LUC7L2: variants seen among roughly 807,000 people sequenced by gnomAD.
LUC7L2 encodes putative RNA-binding protein Luc7-like 2.
Under a neutral mutation model 52.8 loss-of-function variants are expected in LUC7L2, and 25 were observed. The ratio of observed to expected loss-of-function variants is 0.47; its 90% CI spans 0.34 to 0.66. LUC7L2 has a LOEUF of 0.66. Among genes scored for constraint, LUC7L2 ranks in the 30% least tolerant of loss-of-function variants. The pLI is 0.01. For missense variants in LUC7L2, 328 were observed against 497.8 expected (o/e 0.66, Z 3.25); for synonymous variants, 144 against 160.9 (o/e 0.89, Z 0.80).
intron 1 of LUC7L2, chr7:139,375,161 T>A: frequency 2.0e-6 from 2 of 982,746 alleles, no homozygotes; most frequent in Non-Finnish European, 2.4e-6. Flanking sequence ...AGCAAAAAAA[T>A]TTTAACTAAC....
chr7:139,394,163 C>T (rs1422655672), intron 2 of LUC7L2, among the ~76,000 whole-genome samples: 1 of 152,204 alleles, frequency 6.6e-6, no homozygotes, highest in Non-Finnish European at 1.5e-5. Flanking sequence ...CCTCCAGAAG[C>T]TCAGATCAGT....
At chr7:139,396,376 G>T (rs1037875837) in intron 2 of LUC7L2, among the ~76,000 whole-genome samples, 18 of 152,100 alleles carry the variant, frequency 1.2e-4, no homozygotes, top group African/African-American at 3.9e-4. Flanking sequence ...CTGGGAGGTG[G>T]AGGCTGCAGT....
At chr7:139,395,379 T>C (rs1176123116) in intron 2 of LUC7L2, among the ~76,000 whole-genome samples, 1 of 152,250 alleles carries the variant, frequency 6.6e-6, no homozygotes, top group Non-Finnish European at 1.5e-5. Flanking sequence ...CTTTACTTTT[T>C]GTTTATTGTC....
At chr7:139,392,842 C>A (rs1417763515) in intron 2 of LUC7L2, among the ~76,000 whole-genome samples, 2 of 151,884 alleles carry the variant, frequency 1.3e-5, no homozygotes, top group African/African-American at 4.8e-5. Flanking sequence ...TTAGTAGAGA[C>A]GAGGTTTCTC....
At position 139,412,556 on chromosome 7, in the gene LUC7L2, G is replaced by A. The variant is rs759175269; in HGVS notation, c.785G>A (p.Arg262Gln). ...REEREKLRRS[R>Q]SHSKNPKRSR... Reference sequence around the variant, plus strand: ...TACATATTTTTTTTTTTTAGGTCCCGATCACACAGCAAGAATCCAAAAAGG... The same window carrying A: ...TACATATTTTTTTTTTTTAGGTCCCAATCACACAGCAAGAATCCAAAAAGG... The change falls in exon 8 of 10, where the codon CGA becomes CAA. Residue 262 changes from arginine to glutamine, a missense_variant. Transcript: ENST00000354926. The A allele has an allele frequency of 1.2e-5, 19 of 1,598,016 alleles. No homozygotes were observed. Among genetic ancestry groups the A allele is most frequent in the African/African-American group, 2.7e-5 (2 of 73,044 alleles).
At chr7:139,398,250 C>G (rs1055030918) in intron 2 of LUC7L2, among the ~76,000 whole-genome samples, 4 of 152,150 alleles carry the variant, frequency 2.6e-5, no homozygotes, top group Non-Finnish European at 4.4e-5. Flanking sequence ...TGTATATATT[C>G]TTTTAGTTTG....
At chr7:139,377,845 T>G (rs933543900) in intron 2 of LUC7L2, among the ~76,000 whole-genome samples, 1 of 149,814 alleles carries the variant, frequency 6.7e-6, no homozygotes, top group Non-Finnish European at 1.5e-5. Flanking sequence ...TTTTTTTTTT[T>G]TTGAGACAAG....
intron 2 of LUC7L2, among the ~76,000 whole-genome samples, chr7:139,396,177 A>AT: frequency 6.6e-6 from 1 of 152,280 alleles, no homozygotes; most frequent in South Asian, 2.1e-4. Flanking sequence ...GCAGTTGCTC[A>AT]TACCTGTAAT....
chr7:139,400,360 T>C (rs540473359), intron 3 of LUC7L2, among the ~76,000 whole-genome samples: 1 of 152,008 alleles, frequency 6.6e-6, no homozygotes, highest in Non-Finnish European at 1.5e-5. Context: ...AATACAAAAA[T>C]TAGCCGGGCA....
chr7:139,416,499 G>T (rs1795627846), intron 8 of LUC7L2: 1 of 152,252 alleles, frequency 6.6e-6, no homozygotes. Flanking sequence ...TTTCGCAAGT[G>T]TTCTTTCTCC....
Position 139,345,777 on chromosome 7 carries a change from A to C in LUC7L2, c.-26+5260A>C, listed in dbSNP as rs1799244322. The C allele has an allele frequency of 2.8e-6, 4 of 1,440,096 alleles. No individual in the cohort carries two copies. The South Asian group carries it at 4.4e-5, about 16-fold the overall frequency. The allele number at this position is 1,440,096 out of a possible 1,614,324, so 89.2% of individuals were successfully genotyped here. A position where few individuals can be genotyped will look rare whatever the true frequency, so the allele number is the denominator to read the frequency against. ...TTTCTATCAATATGTATTTATCATT[A>C]AATTTTTTTTAAGTTTAAGGTTTTT... On this transcript the variant is annotated intron_variant, in intron 1 of 10. Transcript: ENST00000541170.
At chr7:139,345,765 G>A (rs1470460905) in intron 1 of LUC7L2, 2 of 1,472,502 alleles carry the variant, frequency 1.4e-6, no homozygotes, top group Non-Finnish European at 1.8e-6. Flanking sequence ...CTATCAATAT[G>A]TATTTATCAT....
intron 4 of LUC7L2, among the ~76,000 whole-genome samples, chr7:139,404,475 C>G (rs944698128): frequency 2.0e-5 from 3 of 152,182 alleles, no homozygotes; most frequent in Admixed American, 6.6e-5. Context: ...TGGCACTGCA[C>G]TCCAGCCTGG....
intron 8 of LUC7L2, among the ~76,000 whole-genome samples, chr7:139,413,081 A>G (rs560838524): frequency 6.6e-6 from 1 of 152,304 alleles, no homozygotes; most frequent in East Asian, 1.9e-4. Flanking sequence ...TTTATTACCC[A>G]TTCCTTTATA....
chr7:139,413,721 T>TGGGTGG (rs1795471012), intron 8 of LUC7L2, among the ~76,000 whole-genome samples: 1 of 152,166 alleles, frequency 6.6e-6, no homozygotes, highest in African/African-American at 2.4e-5. Context: ...GAGGTTACAG[T>TGGGTGG]AAGCCGAGAT....
At chr7:139,397,393 C>A (rs1265806404) in intron 2 of LUC7L2, among the ~76,000 whole-genome samples, 1 of 152,176 alleles carries the variant, frequency 6.6e-6, no homozygotes, top group Non-Finnish European at 1.5e-5. Context: ...TGTTCATAGA[C>A]ATGATTCTTG....
At chr7:139,362,691 A>G (rs1331677232) in intron 1 of LUC7L2, among the ~76,000 whole-genome samples, 1 of 150,890 alleles carries the variant, frequency 6.6e-6, no homozygotes, top group African/African-American at 2.4e-5. Flanking sequence ...GTGGGGTTCA[A>G]GGTGGCAGTG....
intron 5 of LUC7L2, among the ~76,000 whole-genome samples, chr7:139,406,792 C>A (rs1384689418): frequency 2.0e-5 from 3 of 152,008 alleles, no homozygotes; most frequent in Non-Finnish European, 4.4e-5. Flanking sequence ...CAATTCGTGT[C>A]TTTTCTTAAT....
At chr7:139,343,947 GAGTT>G (rs1225573906) in intron 1 of LUC7L2, among the ~76,000 whole-genome samples, 1 of 107,874 alleles carries the variant, frequency 9.3e-6, no homozygotes, top group Non-Finnish European at 1.8e-5. Context: ...AAAAAAAAAA[GAGTT>G]GGTGGGGGGC....
Sources: allele counts gnomAD v4.1 joint callset (sites outside exome capture counted in the v4.1 genomes callset), GRCh38; gene constraint gnomAD v4.1.1; transcripts MANE v1.5; gene names NCBI Gene and HGNC (gene_info 2026-07-23, HGNC 2026-07-21).